The following ASIC2 variants were observed in gnomAD, a reference collection of about 807,000 sequenced individuals.
The protein encoded by ASIC2 is acid-sensing ion channel 2.
A neutral mutation model predicts 57.3 loss-of-function variants in ASIC2; 25 were observed. The ratio of observed to expected loss-of-function variants is 0.44; its 90% confidence interval spans 0.32 to 0.61. The LOEUF is 0.61. Ranked by LOEUF, ASIC2 falls within the 20% of genes least tolerant of loss-of-function variation. The pLI is 0.06. For missense variants in ASIC2, 641 were observed against 738.1 expected (o/e 0.87, Z 1.52); for synonymous variants, 319 against 307.5 (o/e 1.04, Z -0.39).
At position 33,531,840 on chromosome 17, in the gene ASIC2, T is replaced by C. The variant is rs553718085; in HGVS notation, c.556-419773A>G. Among the ~76,000 whole-genome samples the C allele has an allele frequency of 9.9e-5, 15 of 152,226 alleles. No individual in the cohort carries two copies. The East Asian group carries it at 2.9e-3, about 29-fold the overall frequency. The stretch of plus-strand genomic sequence containing the variant: ...GTTGGGAAGCGTTTCCCTGACTGTC[T>C]CGTGAGCAGAAATGATCACACTGTG... On this transcript the variant is annotated intron_variant, in intron 1 of 9. Transcript: ENST00000359872.
intron 1 of ASIC2, among the ~76,000 whole-genome samples, chr17:33,697,684 T>C (rs539779357): frequency 6.6e-6 from 1 of 152,300 alleles, no homozygotes; most frequent in South Asian, 2.1e-4. Context: ...AGTCAGCTGT[T>C]TAGACCAGAG....
chr17:33,512,408 G>A (rs1029279544), intron 1 of ASIC2, among the ~76,000 whole-genome samples: 1 of 152,224 alleles, frequency 6.6e-6, no homozygotes, highest in African/African-American at 2.4e-5. Context: ...CTGTCCCTTA[G>A]CATCAGTTGT....
chr17:33,674,468 G>A (rs1907747747), intron 1 of ASIC2, among the ~76,000 whole-genome samples: 1 of 152,196 alleles, frequency 6.6e-6, no homozygotes, highest in Non-Finnish European at 1.5e-5. Flanking sequence ...GAAATACTGT[G>A]CAAATCAATG....
At chr17:33,107,616 G>A (rs774175186) in intron 2 of ASIC2, among the ~76,000 whole-genome samples, 4 of 152,174 alleles carry the variant, frequency 2.6e-5, no homozygotes, top group Non-Finnish European at 5.9e-5. Flanking sequence ...GTGGGGCATT[G>A]TCTGCCTGGA....
At chr17:33,392,170 T>TTCCTTC (rs1909915779) in intron 1 of ASIC2, among the ~76,000 whole-genome samples, 3 of 128,872 alleles carry the variant, frequency 2.3e-5, no homozygotes, top group African/African-American at 6.1e-5. Flanking sequence ...TCTTTTCCTT[T>TTCCTTC]CTTCCTTCCT....
At chr17:33,383,426 G>A (rs140459256) in intron 1 of ASIC2, among the ~76,000 whole-genome samples, 14 of 152,312 alleles carry the variant, frequency 9.2e-5, no homozygotes, top group South Asian at 4.1e-4. Context: ...TCCTGGGAGT[G>A]GAAGGTACTT....
intron 1 of ASIC2, among the ~76,000 whole-genome samples, chr17:33,521,240 C>G (rs920721774): frequency 1.6e-4 from 25 of 152,254 alleles, no homozygotes; most frequent in Non-Finnish European, 2.6e-4. Context: ...GGGCTCAACA[C>G]TGTCGTCGGC....
chr17:33,307,265 C>A (rs1355601757), intron 1 of ASIC2, among the ~76,000 whole-genome samples: 3 of 137,650 alleles, frequency 2.2e-5, no homozygotes, highest in African/African-American at 8.1e-5. Context: ...CCTTCTCTTC[C>A]TCCTCCTCTT....
At chr17:33,560,788 A>G (rs1163758555) in intron 1 of ASIC2, among the ~76,000 whole-genome samples, 2 of 152,152 alleles carry the variant, frequency 1.3e-5, no homozygotes, top group African/African-American at 4.8e-5. Context: ...TATCTTTATA[A>G]TAACTCCATA....
At chr17:33,210,972 C>T (rs1319732823) in intron 1 of ASIC2, among the ~76,000 whole-genome samples, 1 of 152,158 alleles carries the variant, frequency 6.6e-6, no homozygotes. Flanking sequence ...CATTTGATGA[C>T]TTAGCTGTCT....
At chr17:33,434,896 AT>A (rs1197316067) in intron 1 of ASIC2, among the ~76,000 whole-genome samples, 1 of 152,120 alleles carries the variant, frequency 6.6e-6, no homozygotes, top group African/African-American at 2.4e-5. Flanking sequence ...ATATATGCAG[AT>A]TTTTTTCTAA....
At chr17:34,149,086 T>TTTTTTTC (rs1035823703) in intron 1 of ASIC2, among the ~76,000 whole-genome samples, 8 of 150,818 alleles carry the variant, frequency 5.3e-5, no homozygotes, top group African/African-American at 9.8e-5. Flanking sequence ...CTTTTCTTTC[T>TTTTTTTC]TTTTTTCTTT....
intron 1 of ASIC2, among the ~76,000 whole-genome samples, chr17:34,040,296 G>A (rs1041436242): frequency 6.7e-6 from 1 of 149,752 alleles, no homozygotes; most frequent in African/African-American, 2.5e-5. Context: ...ACCTGCCTCC[G>A]GCCCCTTAAT....
intron 1 of ASIC2, among the ~76,000 whole-genome samples, chr17:33,421,061 T>A (rs2141971596): frequency 6.6e-6 from 1 of 152,246 alleles, no homozygotes; most frequent in Admixed American, 6.5e-5. Flanking sequence ...CAGTGTAGTT[T>A]TGGTAGAACA....
chr17:34,019,881 G>A (rs1324296055), intron 1 of ASIC2, among the ~76,000 whole-genome samples: 2 of 152,134 alleles, frequency 1.3e-5, no homozygotes, highest in Non-Finnish European at 2.9e-5. Context: ...TCTGAGGCCT[G>A]GGCTCAGCTG....
chr17:33,404,438 A>G (rs1347382989), intron 1 of ASIC2, among the ~76,000 whole-genome samples: 10 of 152,250 alleles, frequency 6.6e-5, no homozygotes, highest in Admixed American at 6.5e-4. Flanking sequence ...CTTTCAGGAC[A>G]AGAGCAAGGT....
chr17:33,351,872 G>A (rs577212902), intron 1 of ASIC2, among the ~76,000 whole-genome samples: 2 of 152,194 alleles, frequency 1.3e-5, no homozygotes, highest in South Asian at 4.1e-4. Context: ...GATGAGGATG[G>A]GGGAGTCGGA....
chr17:33,718,067 C>T (rs1188860824), intron 1 of ASIC2, among the ~76,000 whole-genome samples: 2 of 152,218 alleles, frequency 1.3e-5, no homozygotes, highest in East Asian at 1.9e-4. Flanking sequence ...GTTTCCAGGA[C>T]ACCCCTCTCC....
intron 1 of ASIC2, among the ~76,000 whole-genome samples, chr17:33,196,242 G>A (rs944570439): frequency 6.6e-6 from 1 of 152,068 alleles, no homozygotes; most frequent in Non-Finnish European, 1.5e-5. Flanking sequence ...TTAAAAGATG[G>A]AACTGACATA....
Sources: gnomAD v4.1 joint callset for allele counts (sites outside exome capture counted in the v4.1 genomes callset) on GRCh38, gnomAD v4.1.1 for gene constraint, MANE v1.5 for transcripts, NCBI Gene and HGNC (gene_info 2026-07-23, HGNC 2026-07-21) for gene names.